PIGL: variants seen among roughly 807,000 people sequenced by gnomAD.
PIGL encodes phosphatidylinositol glycan anchor biosynthesis class L.
Under a neutral mutation model 31.1 loss-of-function variants are expected in PIGL, and 22 were observed. That is an observed-to-expected ratio of 0.71 (90% CI 0.51 to 1.01). The LOEUF (loss-of-function observed/expected upper bound fraction) is 1.01, where lower values mean the gene tolerates loss of function less well. PIGL is among the 50% of genes least tolerant of loss of function. The pLI is 0.00. For missense variants in PIGL, 302 were observed against 315.9 expected (o/e 0.96, Z 0.33); for synonymous variants, 131 against 117.4 (o/e 1.12, Z -0.75).
intron 2 of PIGL, among the ~76,000 whole-genome samples, chr17:16,236,197 C>T (rs761120683): frequency 2.0e-5 from 3 of 152,232 alleles, no homozygotes; most frequent in Middle Eastern, 3.4e-3. Flanking sequence ...AGAGTTGATA[C>T]GCCGTACACC....
intron 2 of PIGL, among the ~76,000 whole-genome samples, chr17:16,257,736 A>C (rs1194599698): frequency 6.6e-6 from 1 of 151,618 alleles, no homozygotes; most frequent in African/African-American, 2.4e-5. Flanking sequence ...GAGAGAAGAG[A>C]GTAAAGTGAA....
intron 2 of PIGL, among the ~76,000 whole-genome samples, chr17:16,266,920 T>C (rs1358677680): frequency 2.5e-5 from 2 of 79,338 alleles, no homozygotes; most frequent in Admixed American, 1.4e-4. Flanking sequence ...GGGGGGGGGG[T>C]TGTCGTGGAA....
At chr17:16,268,391 C>T (rs1464571793) in intron 2 of PIGL, among the ~76,000 whole-genome samples, 2 of 152,132 alleles carry the variant, frequency 1.3e-5, no homozygotes, top group Admixed American at 6.6e-5. Context: ...TGAAACATTA[C>T]TAGCAGCCTA....
At chr17:16,239,253 G>T (rs901247366) in intron 2 of PIGL, among the ~76,000 whole-genome samples, 1 of 151,016 alleles carries the variant, frequency 6.6e-6, no homozygotes, top group Non-Finnish European at 1.5e-5. Context: ...GGAGGCCGAG[G>T]CAGGCGGATC....
At chr17:16,317,657 A>C (rs1311537578) in intron 5 of PIGL, 118 bp from the exon 6 acceptor site, 1 of 1,529,228 alleles carries the variant, frequency 6.5e-7, no homozygotes, top group Non-Finnish European at 8.8e-7. Context: ...ACACGTGGCA[A>C]TGCTGTGGCC....
chr17:16,233,794 G>A (rs2092688491), intron 1 of PIGL, among the ~76,000 whole-genome samples, 177 bp from the exon 2 acceptor site: 1 of 152,004 alleles, frequency 6.6e-6, no homozygotes, highest in African/African-American at 2.4e-5. Flanking sequence ...TTGTGCTACT[G>A]GTAGTCTTCT....
At chr17:16,323,722 C>G (rs1488482354) in intron 6 of PIGL, among the ~76,000 whole-genome samples, 1 of 149,568 alleles carries the variant, frequency 6.7e-6, no homozygotes, top group Non-Finnish European at 1.5e-5. Context: ...AAGTGATTCT[C>G]CTGCCTCAGC....
At chr17:16,250,637 A>G (rs2092767228) in intron 2 of PIGL, among the ~76,000 whole-genome samples, 1 of 152,230 alleles carries the variant, frequency 6.6e-6, no homozygotes, top group East Asian at 1.9e-4. Context: ...GGAAGAAGAG[A>G]AAGAGAAGTT....
At chr17:16,274,761 A>G (rs573567462) in intron 2 of PIGL, among the ~76,000 whole-genome samples, 1 of 145,894 alleles carries the variant, frequency 6.9e-6, no homozygotes, top group East Asian at 2.1e-4. Flanking sequence ...GCCGGGCACT[A>G]TGGCTCACTC....
intron 4 of PIGL, 109 bp downstream of exon 4, chr17:16,313,723 C>T: frequency 9.1e-6 from 8 of 878,492 alleles, no homozygotes; most frequent in Non-Finnish European, 1.5e-5. Context: ...CCATGAAACT[C>T]ACTGCTGGCT....
chr17:16,308,579 C>T (rs1271966621), intron 3 of PIGL, among the ~76,000 whole-genome samples: 1 of 152,008 alleles, frequency 6.6e-6, no homozygotes, highest in Non-Finnish European at 1.5e-5. Context: ...TGCAGCGGCA[C>T]TATTGCGCAT....
chr17:16,281,692 A>T (rs780653506), intron 2 of PIGL, among the ~76,000 whole-genome samples: 1 of 152,258 alleles, frequency 6.6e-6, no homozygotes, highest in Non-Finnish European at 1.5e-5. Context: ...TTCCTTGCCT[A>T]CATCTAAGAA....
chr17:16,220,477 G>GTTTTT (rs1171079537), intron 1 of PIGL, among the ~76,000 whole-genome samples: 7 of 70,066 alleles, frequency 1.0e-4, no homozygotes, highest in African/African-American at 3.5e-4. Flanking sequence ...TTTTTAAATT[G>GTTTTT]TTATTTTTTT....
At chr17:16,220,031 G>A (rs936055532) in intron 1 of PIGL, among the ~76,000 whole-genome samples, 3 of 151,814 alleles carry the variant, frequency 2.0e-5, no homozygotes, top group African/African-American at 7.3e-5. Context: ...TAAAAATTTG[G>A]GACCAGAATT....
intron 2 of PIGL, among the ~76,000 whole-genome samples, chr17:16,289,708 T>C (rs937132278): frequency 6.6e-6 from 1 of 152,256 alleles, no homozygotes; most frequent in African/African-American, 2.4e-5. Context: ...CCAGAATACC[T>C]GTCTTTTGCT....
At chr17:16,230,851 A>G (rs1026750828) in intron 1 of PIGL, among the ~76,000 whole-genome samples, 21 of 152,042 alleles carry the variant, frequency 1.4e-4, no homozygotes, top group African/African-American at 5.1e-4. Context: ...ATACATCACA[A>G]TGTATAAAGG....
At position 16,308,792 on chromosome 17, in the gene PIGL, C is replaced by CTT. The variant is rs71150288; in HGVS notation, c.427-4738_427-4737dup. Reference sequence around the variant, plus strand: ...ATTTAAAAAAGCCACTGCATCCAGGCTTTTTTTTTTTTTTTTTTCGAGACA... The same window carrying CTT: ...ATTTAAAAAAGCCACTGCATCCAGGCTTTTTTTTTTTTTTTTTTTTCGAGACA... On this transcript the variant is annotated intron_variant, in intron 3 of 6. Coordinates refer to ENST00000225609, the MANE Select transcript of PIGL (RefSeq NM_004278.4). Among the ~76,000 whole-genome samples the CTT allele has an allele frequency of 9.8e-3, 1,125 of 114,338 alleles. 55 individuals are homozygous for CTT. The highest frequency in any genetic ancestry group is 0.017 in the Admixed American group (162 of 9,720). 75.0% of individuals were successfully genotyped at this position (114,338 alleles called of 152,430 possible). A position where few individuals can be genotyped will look rare whatever the true frequency, so the allele number is the denominator to read the frequency against.
At position 16,217,297 on chromosome 17, in the gene PIGL, C is replaced by A. The variant is rs373994072; in HGVS notation, c.71C>A (p.Ser24Tyr). 22 of 1,614,060 alleles carry A rather than the reference C, an allele frequency of 1.4e-5. No homozygotes were observed. Among genetic ancestry groups the A allele is most frequent in the Non-Finnish European group, 1.8e-5 (21 of 1,180,040 alleles). Reference protein sequence around the residue: ...LAWGFLWVWDSSERMKSREQG... With the variant: ...LAWGFLWVWDYSERMKSREQG... ...TGGGGCTTCCTCTGGGTTTGGGACT[C>A]CTCAGAACGAATGAAGAGTCGGGAG... is the stretch of plus-strand genomic sequence containing the variant. Residue 24 changes from serine (S) to tyrosine (Y), a missense_variant, in exon 1 of 7, where the codon TCC becomes TAC. Transcript: ENST00000225609.
intron 2 of PIGL, among the ~76,000 whole-genome samples, chr17:16,256,664 A>G (rs943462054): frequency 1.4e-5 from 2 of 145,820 alleles, no homozygotes; most frequent in Non-Finnish European, 3.0e-5. Flanking sequence ...TTCACCCTTT[A>G]TAGTTGTTTT....
Sources: gnomAD v4.1 joint callset for allele counts (sites outside exome capture counted in the v4.1 genomes callset) on GRCh38, gnomAD v4.1.1 for gene constraint, MANE v1.5 for transcripts, NCBI Gene and HGNC (gene_info 2026-07-23, HGNC 2026-07-21) for gene names.